Variants in PCDHGA8 observed in about 807,000 individuals in gnomAD.
PCDHGA8 encodes protocadherin gamma-A8.
PCDHGA8 carries 45 observed loss-of-function variants against 59.2 expected under a neutral mutation model. That is an observed-to-expected ratio of 0.76 (90% CI 0.60 to 0.98). The LOEUF is 0.98. PCDHGA8 is among the 50% of genes least tolerant of loss of function. PCDHGA8 has a pLI of 0.00. For missense variants in PCDHGA8, 1,257 were observed against 1,196.2 expected, an observed-to-expected ratio of 1.05 and a Z score of -0.75; for synonymous variants, 531 against 519.0, an observed-to-expected ratio of 1.02 and a Z score of -0.32.
intron 1 of PCDHGA8, among the ~76,000 whole-genome samples, chr5:141,460,914 A>G (rs62379191): frequency 4.9e-5 from 6 of 122,236 alleles, no homozygotes; most frequent in Non-Finnish European, 5.2e-5. Context: ...TCCATGGTGT[A>G]TATATATATA....
chr5:141,477,779 A>C lies in PCDHGA8; in HGVS notation c.2425-17028A>C. ...CCTAGCCACCAACATCAGCGTGAAC[A>C]TATTTGTCACTGATCGCAATGACAA... is the stretch of plus-strand genomic sequence containing the variant. On this transcript the variant is annotated intron_variant, in intron 1 of 3. Transcript: ENST00000398604. The surrounding 1 kb of genome is among the most constrained non-coding windows in gnomAD (Gnocchi z 4.9). 1.2e-6 allele frequency: 2 copies of C among 1,614,012 alleles called. No individual in the cohort carries two copies. Among genetic ancestry groups the C allele is most frequent in the Non-Finnish European group, 1.7e-6 (2 of 1,180,020 alleles).
At chr5:141,427,495 C>A in intron 1 of PCDHGA8, 2 of 562,648 alleles carry the variant, frequency 3.6e-6, no homozygotes, top group South Asian at 1.5e-5. Flanking sequence ...AAGCTTGTAA[C>A]AGATGGGACC....
chr5:141,478,822 T>A, intron 1 of PCDHGA8: 2 of 1,444,070 alleles, frequency 1.4e-6, no homozygotes, highest in South Asian at 1.5e-5. Context: ...AACTAACCAA[T>A]CTTGCTAAGG....
intron 2 of PCDHGA8, among the ~76,000 whole-genome samples, chr5:141,495,720 G>A (rs1048453188): frequency 2.6e-5 from 4 of 152,080 alleles, no homozygotes; most frequent in Non-Finnish European, 5.9e-5. Context: ...GTAACTACAC[G>A]GGACCCTTAG....
chr5:141,413,400 G>A (rs1328176117), intron 1 of PCDHGA8: 4 of 1,614,060 alleles, frequency 2.5e-6, no homozygotes, highest in Non-Finnish European at 2.5e-6. Context: ...CCAGAGGTAG[G>A]ACGCAGCTTT....
intron 1 of PCDHGA8, chr5:141,402,858 G>A: frequency 1.4e-6 from 2 of 1,427,466 alleles, no homozygotes; most frequent in Admixed American, 2.9e-5. Context: ...TTTCTTCTAA[G>A]GAAAAGATCA....
At position 141,393,079 on chromosome 5, in the gene PCDHGA8, GGATA is replaced by G. The variant is rs1414303760; in HGVS notation, c.270_273del (p.Asp91GlyfsTer12). 1.2e-6 allele frequency: 2 copies of G among 1,613,582 alleles called. No individual in the cohort carries two copies. The highest frequency in any genetic ancestry group is 1.7e-6 in the Non-Finnish European group (2 of 1,179,918). On this transcript the variant is annotated frameshift_variant, in exon 1 of 4. Transcript: ENST00000398604. LOFTEE classifies it high-confidence loss of function. ...AGCGGCAGCTTGATCACCGCGGGCA[GGATA>G]GATCGGGAGGAGCTCTGCGCTCAGA...
rs780383828 is a variant in PCDHGA8, at chr5:141,422,708, A to G, written c.2424+27471A>G. ...GCCCTGGTCACTTACTCTCTGACGGATGACACTGTCCAGGGGGTGCCTCTG... is the reference window on the plus strand; with the variant it reads ...GCCCTGGTCACTTACTCTCTGACGGGTGACACTGTCCAGGGGGTGCCTCTG... On this transcript the variant is annotated intron_variant, in intron 1 of 3. Transcript: ENST00000398604. 28 of 1,603,464 alleles carry G rather than the reference A, an allele frequency of 1.7e-5. No individual in the cohort carries two copies. The East Asian group carries it at 3.8e-4, about 22-fold the overall frequency.
In PCDHGA8 at chr5:141,394,211, G is replaced by A; in HGVS notation, c.1398G>A (p.Leu466=). ...SYSAYILENN[L]RGASIFSLTA... ...CAGCGTATATCCTAGAGAACAACCT[G>A]AGAGGAGCCTCCATCTTTTCCTTGA... The change falls in exon 1 of 4, where the codon CTG becomes CTA. Residue 466 remains leucine, a synonymous_variant. Transcript: ENST00000398604. The A allele has an allele frequency of 6.2e-7, 1 of 1,613,888 alleles. No individual in the cohort carries two copies. Among genetic ancestry groups the A allele is most frequent in the Non-Finnish European group, 8.5e-7 (1 of 1,179,872 alleles).
At chr5:141,480,221 T>C (rs2099514536) in intron 1 of PCDHGA8, among the ~76,000 whole-genome samples, 1 of 149,748 alleles carries the variant, frequency 6.7e-6, no homozygotes, top group Admixed American at 6.7e-5. Context: ...CTGAGCGACA[T>C]AGTGAGATCC....
chr5:141,476,234 G>A lies in PCDHGA8; in HGVS notation c.2425-18573G>A. 6.2e-7 allele frequency: 1 copy of A among 1,614,070 alleles called. No individual in the cohort carries two copies. The highest frequency in any genetic ancestry group is 8.5e-7 in the Non-Finnish European group (1 of 1,180,014). On this transcript the variant is annotated intron_variant, in intron 1 of 3. Coordinates refer to ENST00000398604, the MANE Select transcript of PCDHGA8 (RefSeq NM_032088.2). The surrounding 1 kb of genome is among the most constrained non-coding windows in gnomAD (Gnocchi z 7.6). Reference sequence around the variant, plus strand: ...GGTCATTCACTATGAGATCCCGGAGGAAAGAGAGAAGGGTTTCGCTGTGGG... The same window carrying A: ...GGTCATTCACTATGAGATCCCGGAGAAAAGAGAGAAGGGTTTCGCTGTGGG...
intron 1 of PCDHGA8, chr5:141,417,266 T>C (rs2096102700): frequency 6.6e-6 from 1 of 152,184 alleles, no homozygotes; most frequent in Non-Finnish European, 1.5e-5. Context: ...CATAGATAAT[T>C]ACTCTTAAAA....
Position 141,476,676 on chromosome 5 carries a change from G to T in PCDHGA8, c.2425-18131G>T. 1.2e-6 allele frequency: 2 copies of T among 1,614,222 alleles called. No individual in the cohort carries two copies. The highest frequency in any genetic ancestry group is 1.7e-6 in the Non-Finnish European group (2 of 1,180,054). ...TACTTTGCGCTTCGCGTGCAGACGC[G>T]GGAGGACAGCACCAAGTACGCGGAG... On this transcript the variant is annotated intron_variant, in intron 1 of 3. Transcript: ENST00000398604. The surrounding 1 kb of genome is among the most constrained non-coding windows in gnomAD (Gnocchi z 7.6).
At position 141,512,430 on chromosome 5, in the gene PCDHGA8, CT is replaced by C. The variant is rs1357890225; in HGVS notation, c.*1258del. The C allele has an allele frequency of 1.3e-5, 2 of 152,824 alleles. No homozygotes were observed. Among genetic ancestry groups the C allele is most frequent in the Non-Finnish European group, 2.9e-5 (2 of 68,158 alleles). 9.5% of individuals were successfully genotyped at this position (152,824 alleles called of 1,614,324 possible). On this transcript the variant is annotated 3_prime_UTR_variant, in exon 4 of 4. Coordinates refer to ENST00000398604, the MANE Select transcript of PCDHGA8 (RefSeq NM_032088.2). ...CTTCTTCAACAGGGCCCCTGCCCTCCTGAAGCCTCAGTCCTTCACCTTGCCA... is the reference window on the plus strand; with the variant it reads ...CTTCTTCAACAGGGCCCCTGCCCTCCGAAGCCTCAGTCCTTCACCTTGCCA...
chr5:141,437,728 A>T (rs1236819934), intron 1 of PCDHGA8, among the ~76,000 whole-genome samples: 1 of 150,908 alleles, frequency 6.6e-6, no homozygotes, highest in Non-Finnish European at 1.5e-5. Context: ...CTAATGTTAC[A>T]CTTTGAGTTC....
chr5:141,445,276 C>T (rs761058385), intron 1 of PCDHGA8, among the ~76,000 whole-genome samples: 1 of 152,218 alleles, frequency 6.6e-6, no homozygotes, highest in Non-Finnish European at 1.5e-5. Flanking sequence ...AACCACTCTG[C>T]ATAAGTTCAG....
chr5:141,424,776 A>G (rs1406581367), intron 1 of PCDHGA8: 2 of 152,154 alleles, frequency 1.3e-5, no homozygotes, highest in African/African-American at 4.8e-5. Context: ...CAAATAGTAC[A>G]TTCAGTTCTT....
At position 141,393,204 on chromosome 5, in the gene PCDHGA8, C is replaced by G. The variant is rs373432896; in HGVS notation, c.391C>G (p.Pro131Ala). Residue 131 changes from proline (P) to alanine (A), a missense_variant, in exon 1 of 4, where the codon CCA (proline) becomes GCA (alanine). Pro to Ala is a conservative substitution (Grantham distance 27). Transcript: ENST00000398604. ...AATAATTGATATTAACGATAATAAC[C>G]CAAAATTCCAGGTCGAAGATCTAGA... ...IEIIDINDNN[P>A]KFQVEDLEVK... is the part of the protein sequence containing the mutation. 7 of 1,613,342 alleles carry G rather than the reference C, an allele frequency of 4.3e-6. No homozygotes were observed. In the East Asian group the frequency reaches 1.6e-4, roughly 36 times the overall value.
Position 141,485,627 on chromosome 5 carries a change from T to C in PCDHGA8, c.2425-9180T>C. 3 of 1,612,072 alleles carry C rather than the reference T, an allele frequency of 1.9e-6. No individual in the cohort carries two copies. Among genetic ancestry groups the C allele is most frequent in the Non-Finnish European group, 2.5e-6 (3 of 1,178,530 alleles). On this transcript the variant is annotated intron_variant, in intron 1 of 3. Transcript: ENST00000398604. This position sits in a 1 kb window ranked among gnomAD's most constrained non-coding sequence, Gnocchi z 5.7. ...GGAGGCAGCTCCTCCAGGACAGCGT[T>C]TCCCGTTGGAAAAGGCTCAGGATGC...
Sources: gnomAD v4.1 joint callset for allele counts (sites outside exome capture counted in the v4.1 genomes callset) on GRCh38, gnomAD v4.1.1 for gene constraint, Gnocchi (gnomAD v3.1) non-coding constraint, MANE v1.5 for transcripts, NCBI Gene and HGNC (gene_info 2026-07-23, HGNC 2026-07-21) for gene names.